RGS6: variants seen among roughly 807,000 people sequenced by gnomAD.
The protein encoded by RGS6 is regulator of G protein signaling 6, also known as regulator of G-protein signaling 6.
Under a neutral mutation model 78.5 loss-of-function variants are expected in RGS6, and 30 were observed. That is an observed-to-expected ratio of 0.38 (90% CI 0.29 to 0.52). RGS6 has a LOEUF of 0.52. RGS6 is among the 20% of genes least tolerant of loss of function. The probability of loss-of-function intolerance (pLI) is 0.85; values close to 1 mark genes in which losing one functional copy is unlikely to be tolerated. For synonymous variants in RGS6, 206 were observed against 206.0 expected (o/e 1.00, Z 0.00); for missense variants, 495 against 609.7 (o/e 0.81, Z 1.98).
chr14:72,298,963 C>T (rs573816035), intron 2 of RGS6, among the ~76,000 whole-genome samples: 1 of 152,276 alleles, frequency 6.6e-6, no homozygotes, highest in South Asian at 2.1e-4. Flanking sequence ...TTAATTGACA[C>T]AGGGCTATTC....
At position 72,138,372 on chromosome 14, in the gene RGS6, C is replaced by T. The variant is rs180781477; in HGVS notation, c.84+173497C>T. Reference sequence around the variant, plus strand: ...TGAGGGGGAGGGTTAATGTCTTCATCGTTCTTCCTCTGGTAGAATTATATT... The same window carrying T: ...TGAGGGGGAGGGTTAATGTCTTCATTGTTCTTCCTCTGGTAGAATTATATT... On this transcript the variant is annotated intron_variant, in intron 2 of 17. Coordinates refer to ENST00000553525, the MANE Select transcript of RGS6 (RefSeq NM_001204424.2). Among the ~76,000 whole-genome samples, 8 of 149,420 alleles carry T rather than the reference C, an allele frequency of 5.4e-5. No homozygotes were observed. The East Asian group carries it at 6.0e-4, about 11-fold the overall frequency.
At chr14:71,873,090 C>T in the RGS6 span, among the ~76,000 whole-genome samples, 14 of 152,048 alleles carry the variant, frequency 9.2e-5, no homozygotes, top group African/African-American at 2.9e-4. Context: ...TGAATAGTGC[C>T]GCAATAAACA....
At chr14:72,453,947 C>T (rs1051382871) in intron 3 of RGS6, among the ~76,000 whole-genome samples, 1 of 152,210 alleles carries the variant, frequency 6.6e-6, no homozygotes, top group Non-Finnish European at 1.5e-5. Flanking sequence ...TATGCCATTT[C>T]TACCCATATT....
chr14:72,142,269 A>G (rs571643340), intron 2 of RGS6, among the ~76,000 whole-genome samples: 28 of 152,180 alleles, frequency 1.8e-4, no homozygotes, highest in Admixed American at 1.5e-3. Context: ...GTATTCTTAT[A>G]CCACATTTAA....
intron 12 of RGS6, among the ~76,000 whole-genome samples, chr14:72,492,743 G>T (rs1030404454): frequency 6.6e-6 from 1 of 152,146 alleles, no homozygotes; most frequent in Admixed American, 6.5e-5. Context: ...CCAGGAGCCA[G>T]ACATATATAC....
chr14:72,050,684 C>G (rs36737), intron 2 of RGS6, among the ~76,000 whole-genome samples: 64,844 of 152,098 alleles, frequency 0.43, 14,341 homozygotes, highest in Non-Finnish European at 0.48. Context: ...ATCAATATAC[C>G]GTTGACCCTT....
chr14:71,908,546 T>G, the RGS6 span: 1 of 151,716 alleles, frequency 6.6e-6, no homozygotes, highest in East Asian at 1.9e-4. Flanking sequence ...CTTTTTTATA[T>G]TCAGTAAGTT....
intron 2 of RGS6, among the ~76,000 whole-genome samples, chr14:72,255,046 A>T (rs2056771868): frequency 6.6e-6 from 1 of 152,210 alleles, no homozygotes; most frequent in Non-Finnish European, 1.5e-5. Flanking sequence ...GAGACACAGC[A>T]GGCTGTGCTG....
intron 3 of RGS6, among the ~76,000 whole-genome samples, chr14:72,407,776 G>A (rs1475107449): frequency 1.3e-5 from 2 of 152,212 alleles, no homozygotes; most frequent in Non-Finnish European, 2.9e-5. Context: ...TGCTATTATG[G>A]CTGGATCATC....
intron 3 of RGS6, among the ~76,000 whole-genome samples, chr14:72,376,505 T>A: frequency 6.6e-6 from 1 of 152,066 alleles, no homozygotes; most frequent in East Asian, 1.9e-4. Flanking sequence ...GAACCCCAAA[T>A]AGATATAATC....
chr14:72,596,571 C>CA, the RGS6 span, among the ~76,000 whole-genome samples: 9 of 151,834 alleles, frequency 5.9e-5, no homozygotes, highest in African/African-American at 2.2e-4. Context: ...TTCAGTCGAG[C>CA]AAAAAAAGTT....
At chr14:72,057,101 G>A (rs538001458) in intron 2 of RGS6, among the ~76,000 whole-genome samples, 1 of 151,960 alleles carries the variant, frequency 6.6e-6, no homozygotes, top group Admixed American at 6.6e-5. Flanking sequence ...ATCACTTGAG[G>A]TCAGGAGTTC....
intron 12 of RGS6, among the ~76,000 whole-genome samples, chr14:72,481,217 T>C (rs11158957): frequency 0.63 from 95,482 of 152,084 alleles, 30,443 homozygotes; most frequent in East Asian, 0.96. Context: ...ATGGCAAAAG[T>C]ATGGTCCAGT....
chr14:72,605,196 G>A, the RGS6 span, among the ~76,000 whole-genome samples: 4 of 152,224 alleles, frequency 2.6e-5, no homozygotes, highest in African/African-American at 9.6e-5. Flanking sequence ...GGGTAAAGGG[G>A]AGACAGAGCT....
At chr14:72,494,063 T>A (rs1444397747) in intron 12 of RGS6, among the ~76,000 whole-genome samples, 1 of 152,194 alleles carries the variant, frequency 6.6e-6, no homozygotes, top group Non-Finnish European at 1.5e-5. Context: ...TGATCCAGTT[T>A]CGAGCAAGAA....
chr14:71,984,839 A>T (rs1201516171), intron 2 of RGS6, among the ~76,000 whole-genome samples: 1 of 152,146 alleles, frequency 6.6e-6, no homozygotes, highest in Non-Finnish European at 1.5e-5. Context: ...TTTTTTTTCC[A>T]TTCCTCTTCA....
downstream of RGS6, among the ~76,000 whole-genome samples, chr14:72,569,171 A>G (rs2097717399): frequency 6.6e-6 from 1 of 151,798 alleles, no homozygotes; most frequent in Non-Finnish European, 1.5e-5. Context: ...GCTATAATTT[A>G]CCTACATTAA....
intron 8 of RGS6, 117 bp downstream of exon 8, chr14:72,470,200 G>GCCTGAGAGCAACTGAGTAGAAATTAAAGT: frequency 1.4e-6 from 1 of 724,138 alleles, no homozygotes. Context: ...TTCTAATAGG[G>GCCTGAGAGCAACTGAGTAGAAATTAAAGT]CCTGAGAGCA....
chr14:72,500,793 G>A (rs1221304090), intron 13 of RGS6, among the ~76,000 whole-genome samples: 1 of 152,252 alleles, frequency 6.6e-6, no homozygotes, highest in Non-Finnish European at 1.5e-5. Flanking sequence ...GCAGGGGAAA[G>A]CAGGGGAGGG....
Sources: gnomAD v4.1 joint callset for allele counts (sites outside exome capture counted in the v4.1 genomes callset) on GRCh38, gnomAD v4.1.1 for gene constraint, MANE v1.5 for transcripts, NCBI Gene and HGNC (gene_info 2026-07-23, HGNC 2026-07-21) for gene names.